HPSE2: variants seen among roughly 807,000 people sequenced by gnomAD.
The protein encoded by HPSE2 is inactive heparanase-2.
HPSE2 carries 38 observed loss-of-function variants against 60.5 expected under a neutral mutation model. The observed-to-expected ratio is 0.63, with a 90% CI of 0.48 to 0.82. HPSE2 has a LOEUF of 0.82. HPSE2 is among the 40% of genes least tolerant of loss of function. HPSE2 has a pLI of 0.00. For synonymous variants in HPSE2, 295 were observed against 293.2 expected (o/e 1.01, Z -0.06); for missense variants, 713 against 740.4 (o/e 0.96, Z 0.43).
chr10:98,479,833 T>C (rs1941165539), intron 11 of HPSE2, among the ~76,000 whole-genome samples: 1 of 152,192 alleles, frequency 6.6e-6, no homozygotes, highest in Non-Finnish European at 1.5e-5. Flanking sequence ...TGTATGCATA[T>C]GCATGGGTTT....
chr10:98,516,958 T>C (rs1487381353), intron 9 of HPSE2, among the ~76,000 whole-genome samples: 1 of 152,222 alleles, frequency 6.6e-6, no homozygotes, highest in Non-Finnish European at 1.5e-5. Context: ...AGAAATCTCC[T>C]GCTTTTCACT....
rs1843231885 is a variant in HPSE2, at chr10:99,083,975, T to TTC, written c.610+60262_610+60263insGA. 2.0e-5 allele frequency among the ~76,000 whole-genome samples: 3 copies of TTC among 147,456 alleles called. No homozygotes were observed. The East Asian group carries it at 5.9e-4, about 29-fold the overall frequency. On this transcript the variant is annotated intron_variant, in intron 3 of 11. Transcript: ENST00000370552. Reference sequence around the variant, plus strand: ...GGGAATGTGTGAAAGCCTTTTTTTTTTTTTTTTTTTTTTTTTTAAGTAACT... The same window carrying TTC: ...GGGAATGTGTGAAAGCCTTTTTTTTTTCTTTTTTTTTTTTTTTTTAAGTAACT...
At chr10:98,827,116 A>G (rs1951566945) in intron 3 of HPSE2, among the ~76,000 whole-genome samples, 1 of 152,022 alleles carries the variant, frequency 6.6e-6, no homozygotes, top group Non-Finnish European at 1.5e-5. Flanking sequence ...GTGTCACTGC[A>G]CTCAGGCCCA....
intron 2 of HPSE2, among the ~76,000 whole-genome samples, chr10:99,183,471 A>G (rs1847855379): frequency 1.3e-5 from 2 of 152,216 alleles, no homozygotes; most frequent in Admixed American, 6.5e-5. Context: ...AAGGATCTTC[A>G]GGCCTCTCAA....
the HPSE2 span, among the ~76,000 whole-genome samples, chr10:99,301,306 T>G: frequency 2.0e-5 from 3 of 152,312 alleles, no homozygotes; most frequent in Non-Finnish European, 4.4e-5. Flanking sequence ...TGTAGATGAC[T>G]TATTAGTTTC....
chr10:99,235,096 TCACATA>T (rs1178454145), intron 1 of HPSE2, among the ~76,000 whole-genome samples: 1 of 80,328 alleles, frequency 1.2e-5, no homozygotes, highest in African/African-American at 4.7e-5. Flanking sequence ...CTCTCCTGTC[TCACATA>T]CACACACACA....
Position 99,086,315 on chromosome 10 carries a change from G to A in HPSE2, c.610+57923C>T, listed in dbSNP as rs1028823872. 7.4e-5 allele frequency among the ~76,000 whole-genome samples: 11 copies of A among 147,744 alleles called. No homozygotes were observed. In the South Asian group the frequency reaches 1.1e-3, roughly 14 times the overall value. ...AATTATTATTAACCAGCATTAAACA[G>A]TCTAAAGGTGGTAATACGGAAAAGT... On this transcript the variant is annotated intron_variant, in intron 3 of 11. Transcript: ENST00000370552.
At chr10:98,792,103 T>G (rs1414619224) in intron 3 of HPSE2, among the ~76,000 whole-genome samples, 3 of 152,288 alleles carry the variant, frequency 2.0e-5, no homozygotes, top group African/African-American at 7.2e-5. Context: ...AAAAATAATT[T>G]ATAAATCACC....
At chr10:98,459,874 T>C in intron 11 of HPSE2, 135 bp from the exon 12 acceptor site, 1 of 863,856 alleles carries the variant, frequency 1.2e-6, no homozygotes, top group Non-Finnish European at 1.9e-6. Context: ...GGCTATGCCC[T>C]AGATTCTGAC....
At chr10:98,541,606 C>G (rs1943463193) in intron 9 of HPSE2, among the ~76,000 whole-genome samples, 1 of 152,228 alleles carries the variant, frequency 6.6e-6, no homozygotes, top group Admixed American at 6.5e-5. Context: ...AATTGGGTCA[C>G]TCCCACCCGA....
At chr10:99,191,519 G>A (rs1275819218) in intron 2 of HPSE2, among the ~76,000 whole-genome samples, 3 of 152,154 alleles carry the variant, frequency 2.0e-5, no homozygotes, top group African/African-American at 4.8e-5. Context: ...GACTCCCAAG[G>A]CAGTACCTCT....
At chr10:98,791,765 G>A (rs1281473379) in intron 3 of HPSE2, among the ~76,000 whole-genome samples, 1 of 152,130 alleles carries the variant, frequency 6.6e-6, no homozygotes, top group Non-Finnish European at 1.5e-5. Context: ...AAGGTCTATA[G>A]AGAACATAAG....
chr10:98,850,926 G>A (rs1328206225), intron 3 of HPSE2, among the ~76,000 whole-genome samples: 2 of 152,084 alleles, frequency 1.3e-5, no homozygotes, highest in African/African-American at 2.4e-5. Flanking sequence ...TGTCTTCTAA[G>A]ATAATTGGAA....
intron 3 of HPSE2, among the ~76,000 whole-genome samples, chr10:98,801,864 A>C (rs1353940572): frequency 6.6e-6 from 1 of 152,168 alleles, no homozygotes; most frequent in Non-Finnish European, 1.5e-5. Flanking sequence ...TATGGAACAC[A>C]GAAGATCCAG....
In HPSE2 at chr10:98,472,406, G is replaced by A. The variant is rs759171475; in HGVS notation, c.1613+10230C>T. Among the ~76,000 whole-genome samples the A allele has an allele frequency of 6.2e-4, 95 of 152,082 alleles. 1 individual carries two copies. The highest frequency in any genetic ancestry group is 2.1e-4 in the Non-Finnish European group (14 of 68,022). ...TCTGCAGCTTGTCTTTCCTGCTGAG[G>A]GGCTCTGAATGGCCTTTCAAAAGGG... is the stretch of plus-strand genomic sequence containing the variant. On this transcript the variant is annotated intron_variant, in intron 11 of 11. Coordinates refer to ENST00000370552, the MANE Select transcript of HPSE2 (RefSeq NM_021828.5).
intron 2 of HPSE2, among the ~76,000 whole-genome samples, chr10:99,230,829 A>G (rs1196278564): frequency 6.6e-6 from 1 of 152,148 alleles, no homozygotes; most frequent in East Asian, 1.9e-4. Flanking sequence ...AAGAAGAAAA[A>G]CCATTAATAT....
chr10:98,911,257 G>A (rs1041265930), intron 3 of HPSE2, among the ~76,000 whole-genome samples: 2 of 152,178 alleles, frequency 1.3e-5, no homozygotes, highest in Non-Finnish European at 2.9e-5. Context: ...TTGTTTGTTA[G>A]GAGCTGCAGG....
chr10:98,534,561 C>G (rs942870750), intron 9 of HPSE2, among the ~76,000 whole-genome samples: 1 of 152,152 alleles, frequency 6.6e-6, no homozygotes, highest in Non-Finnish European at 1.5e-5. Context: ...TGTGCCACCA[C>G]ACCCGACTAA....
intron 3 of HPSE2, among the ~76,000 whole-genome samples, chr10:99,043,088 A>G (rs1238520068): frequency 1.3e-5 from 2 of 151,778 alleles, no homozygotes; most frequent in Non-Finnish European, 2.9e-5. Flanking sequence ...AGGGACACCG[A>G]CCCTCCGAAA....
Sources: gnomAD v4.1 joint callset for allele counts (sites outside exome capture counted in the v4.1 genomes callset) on GRCh38, gnomAD v4.1.1 for gene constraint, MANE v1.5 for transcripts, NCBI Gene and HGNC (gene_info 2026-07-23, HGNC 2026-07-21) for gene names.